Variants in CCSER1 observed in about 807,000 individuals in gnomAD.
CCSER1 encodes serine-rich coiled-coil domain-containing protein 1.
In CCSER1, 41 loss-of-function variants were observed where a neutral mutation model predicts 82.0. That is an observed-to-expected ratio of 0.50 (90% CI 0.39 to 0.65). The LOEUF (loss-of-function observed/expected upper bound fraction) is 0.65, where lower values mean the gene tolerates loss of function less well. CCSER1 is among the 30% of genes least tolerant of loss of function. The pLI is 0.00. For missense variants in CCSER1, 1,119 were observed against 1,064.2 expected (o/e 1.05, Z -0.72); for synonymous variants, 414 against 383.9 (o/e 1.08, Z -0.92).
intron 1 of CCSER1, among the ~76,000 whole-genome samples, chr4:90,151,253 C>T (rs1426717396): frequency 6.6e-6 from 1 of 151,924 alleles, no homozygotes; most frequent in Non-Finnish European, 1.5e-5. Context: ...TAAAATTGTA[C>T]AGGTAGCATT....
At chr4:90,628,295 GGT>G in intron 6 of CCSER1, 63 bp downstream of exon 6, 1 of 1,307,088 alleles carries the variant, frequency 7.7e-7, no homozygotes, top group Non-Finnish European at 1.1e-6. Flanking sequence ...CTGCAGACGT[GGT>G]TAGACCCTGC....
chr4:90,774,521 C>G (rs532474841), intron 7 of CCSER1, among the ~76,000 whole-genome samples: 1 of 152,100 alleles, frequency 6.6e-6, no homozygotes, highest in South Asian at 2.1e-4. Context: ...AAACTGTTTG[C>G]CATAATTATG....
intron 10 of CCSER1, among the ~76,000 whole-genome samples, chr4:91,337,284 T>C (rs1442784204): frequency 1.3e-5 from 2 of 152,112 alleles, no homozygotes; most frequent in East Asian, 3.9e-4. Context: ...CCACCATAAT[T>C]TTCTAATATA....
At chr4:90,670,843 A>G (rs1261971016) in intron 6 of CCSER1, among the ~76,000 whole-genome samples, 3 of 152,044 alleles carry the variant, frequency 2.0e-5, no homozygotes, top group African/African-American at 7.2e-5. Context: ...GAAGAGGTCA[A>G]AATCTCTGGG....
chr4:91,113,267 T>TA (rs1726244048), intron 10 of CCSER1, among the ~76,000 whole-genome samples: 1 of 152,196 alleles, frequency 6.6e-6, no homozygotes, highest in African/African-American at 2.4e-5. Flanking sequence ...TGGGAGGCTC[T>TA]GAGTTGCAAG....
chr4:91,122,599 A>G (rs1048262558), intron 10 of CCSER1, among the ~76,000 whole-genome samples: 4 of 151,846 alleles, frequency 2.6e-5, no homozygotes, highest in Non-Finnish European at 4.4e-5. Flanking sequence ...ATCCAAGGCA[A>G]ACAATAACCC....
At chr4:90,966,940 A>G (rs779699825) in intron 9 of CCSER1, among the ~76,000 whole-genome samples, 15 of 152,134 alleles carry the variant, frequency 9.9e-5, no homozygotes, top group Non-Finnish European at 2.1e-4. Flanking sequence ...TAAAATATCC[A>G]AAACAATCTT....
At chr4:90,320,541 A>G (rs953298665) in intron 3 of CCSER1, among the ~76,000 whole-genome samples, 1 of 152,158 alleles carries the variant, frequency 6.6e-6, no homozygotes, top group Non-Finnish European at 1.5e-5. Context: ...CTGGCCATAC[A>G]ATGAGGACAA....
rs372181385 is a variant in CCSER1 at position 91,586,211 on chromosome 4, ATGAGT to A, written c.2218-12359_2218-12355del. ...GAAAACCAGACATGATGCAATTATT[ATGAGT>A]TTAGTTAGAAAAAAATAAGATTGAG... is the stretch of plus-strand genomic sequence containing the variant. On this transcript the variant is annotated intron_variant, in intron 10 of 10. Coordinates refer to ENST00000509176, the MANE Select transcript of CCSER1 (RefSeq NM_001145065.2). Among the ~76,000 whole-genome samples the A allele has an allele frequency of 4.9e-4, 74 of 151,858 alleles. No homozygotes were observed. In the East Asian group the frequency reaches 0.014, roughly 28 times the overall value.
chr4:91,492,717 T>C (rs1377967421), intron 10 of CCSER1, among the ~76,000 whole-genome samples: 1 of 152,060 alleles, frequency 6.6e-6, no homozygotes, highest in Non-Finnish European at 1.5e-5. Flanking sequence ...TTCTCTCTGG[T>C]CTAAGGCTTT....
chr4:90,725,399 T>A (rs1199578539), intron 7 of CCSER1, among the ~76,000 whole-genome samples: 1 of 151,564 alleles, frequency 6.6e-6, no homozygotes, highest in East Asian at 1.9e-4. Flanking sequence ...AGATCAATAG[T>A]TTTGGGGTAA....
intron 10 of CCSER1, among the ~76,000 whole-genome samples, chr4:91,562,193 C>T (rs1762684178): frequency 6.6e-6 from 1 of 151,386 alleles, no homozygotes; most frequent in South Asian, 2.1e-4. Flanking sequence ...GCTATTATAA[C>T]ATTTTAAGAT....
chr4:90,772,840 T>C (rs1752377192), intron 7 of CCSER1, among the ~76,000 whole-genome samples: 1 of 152,172 alleles, frequency 6.6e-6, no homozygotes, highest in Admixed American at 6.5e-5. Context: ...AAGGAAAAAA[T>C]ATTGTTTTTC....
At chr4:90,164,639 G>A (rs1403256197) in intron 1 of CCSER1, among the ~76,000 whole-genome samples, 4 of 152,068 alleles carry the variant, frequency 2.6e-5, no homozygotes, top group Non-Finnish European at 5.9e-5. Context: ...GAAATAAAGC[G>A]AAGAGGAAAA....
chr4:91,410,204 T>C (rs922377449), intron 10 of CCSER1, among the ~76,000 whole-genome samples: 1 of 152,234 alleles, frequency 6.6e-6, no homozygotes, highest in Non-Finnish European at 1.5e-5. Context: ...CTGTTATTCC[T>C]ACTGGATAAT....
At chr4:90,535,603 A>G (rs1039801916) in intron 5 of CCSER1, among the ~76,000 whole-genome samples, 1 of 152,206 alleles carries the variant, frequency 6.6e-6, no homozygotes, top group African/African-American at 2.4e-5. Flanking sequence ...TGTCACATCT[A>G]TACCTACACT....
At chr4:90,199,580 C>T (rs758694744) in intron 1 of CCSER1, among the ~76,000 whole-genome samples, 1 of 121,876 alleles carries the variant, frequency 8.2e-6, no homozygotes, top group African/African-American at 3.5e-5. Context: ...CTTACTCTTC[C>T]AGTTCTCTCC....
chr4:90,893,161 G>C (rs922437471), intron 8 of CCSER1, among the ~76,000 whole-genome samples: 1 of 151,978 alleles, frequency 6.6e-6, no homozygotes, highest in African/African-American at 2.4e-5. Context: ...GTATATATGT[G>C]GGAGTTAGGG....
intron 9 of CCSER1, among the ~76,000 whole-genome samples, chr4:90,992,360 A>G (rs1241296404): frequency 6.6e-6 from 1 of 152,098 alleles, no homozygotes; most frequent in East Asian, 1.9e-4. Context: ...ATTTAAAATT[A>G]AATTATAGAT....
Sources: allele counts gnomAD v4.1 joint callset (sites outside exome capture counted in the v4.1 genomes callset), GRCh38; gene constraint gnomAD v4.1.1; transcripts MANE v1.5; gene names NCBI Gene and HGNC (gene_info 2026-07-23, HGNC 2026-07-21).